Variants in HTR4 observed in about 807,000 individuals in gnomAD.
The protein encoded by HTR4 is 5-hydroxytryptamine receptor 4, also known as 5-hydroxytryptamine (serotonin) receptor 4, G protein-coupled.
In HTR4, 16 loss-of-function variants were observed where a neutral mutation model predicts 36.8. The observed-to-expected ratio is 0.43, with a 90% CI of 0.29 to 0.66. HTR4 has a LOEUF of 0.66. HTR4 is among the 30% of genes least tolerant of loss of function. The pLI is 0.13. For synonymous variants in HTR4, 189 were observed against 185.1 expected (o/e 1.02, Z -0.17); for missense variants, 438 against 490.9 (o/e 0.89, Z 1.02).
intron 2 of HTR4, among the ~76,000 whole-genome samples, chr5:148,560,160 ACGTTTTTTCTTT>A (rs1383359414): frequency 6.7e-6 from 1 of 149,680 alleles, no homozygotes; most frequent in African/African-American, 2.5e-5. Flanking sequence ...CTCCCAGTTA[ACGTTTTTTCTTT>A]TCTTTTTTCT....
Position 148,482,982 on chromosome 5 carries a change from G to GAAATA in HTR4, c.*216_*220dup. 7.1e-7 allele frequency: 1 copy of GAAATA among 1,412,954 alleles called. No individual in the cohort carries two copies. The highest frequency in any genetic ancestry group is 9.2e-7 in the Non-Finnish European group (1 of 1,081,990). 87.5% of individuals were successfully genotyped at this position (1,412,954 alleles called of 1,614,324 possible). A position where few individuals can be genotyped will look rare whatever the true frequency, so the allele number is the denominator to read the frequency against. ...AGAATCTGGGAAGAGGGAGTGTTGGGAAATAAAAAGTGAACAAGGAGGCCA... is the reference window on the plus strand; with the variant it reads ...AGAATCTGGGAAGAGGGAGTGTTGGGAAATAAAATAAAAAGTGAACAAGGAGGCCA... On this transcript the variant is annotated 3_prime_UTR_variant, in exon 7 of 7. Transcript: ENST00000377888.
intron 5 of HTR4, among the ~76,000 whole-genome samples, chr5:148,463,030 C>G (rs1157249518): frequency 6.6e-6 from 1 of 151,904 alleles, no homozygotes; most frequent in Non-Finnish European, 1.5e-5. Flanking sequence ...TATCGAAAAT[C>G]TACACAAAAC....
At chr5:148,491,187 C>G (rs111390930) in intron 6 of HTR4, among the ~76,000 whole-genome samples, 14 of 152,244 alleles carry the variant, frequency 9.2e-5, no homozygotes, top group African/African-American at 3.4e-4. Context: ...CAAGTACATG[C>G]TGTAAGAGAA....
chr5:148,468,622 G>A (rs1348479589), intron 5 of HTR4, among the ~76,000 whole-genome samples: 3 of 152,166 alleles, frequency 2.0e-5, no homozygotes, highest in Non-Finnish European at 4.4e-5. Flanking sequence ...TCCATCGTTG[G>A]AAGCAGATGT....
At chr5:148,551,204 C>T (rs1167923451) in intron 2 of HTR4, among the ~76,000 whole-genome samples, 1 of 152,166 alleles carries the variant, frequency 6.6e-6, no homozygotes, top group Non-Finnish European at 1.5e-5. Flanking sequence ...GTGTCCCATT[C>T]CAGCCCATGC....
intron 2 of HTR4, among the ~76,000 whole-genome samples, chr5:148,588,439 G>T (rs931118464): frequency 6.7e-6 from 1 of 150,092 alleles, no homozygotes; most frequent in African/African-American, 2.5e-5. Flanking sequence ...CCAGGGGGAA[G>T]AAAAAGCCTT....
chr5:148,634,072 C>G (rs754111983), intron 2 of HTR4, among the ~76,000 whole-genome samples: 1 of 152,128 alleles, frequency 6.6e-6, no homozygotes, highest in East Asian at 1.9e-4. Context: ...GCAGTATGGC[C>G]GGACAAAACA....
At chr5:148,546,181 C>T (rs972679182) in intron 4 of HTR4, among the ~76,000 whole-genome samples, 2 of 152,130 alleles carry the variant, frequency 1.3e-5, no homozygotes, top group Non-Finnish European at 2.9e-5. Flanking sequence ...TGAGAAAGAT[C>T]ATGAGTTGTA....
intron 5 of HTR4, among the ~76,000 whole-genome samples, chr5:148,467,782 C>T (rs997294563): frequency 6.6e-6 from 1 of 152,180 alleles, no homozygotes; most frequent in African/African-American, 2.4e-5. Flanking sequence ...CATGTAAAAC[C>T]ACACCAACTT....
intron 2 of HTR4, among the ~76,000 whole-genome samples, chr5:148,575,676 T>C (rs1013682739): frequency 1.3e-5 from 2 of 152,092 alleles, no homozygotes; most frequent in Non-Finnish European, 2.9e-5. Flanking sequence ...TATTCATTAA[T>C]AGAATAATCA....
chr5:148,511,528 A>G (rs1581404084), intron 5 of HTR4, among the ~76,000 whole-genome samples: 1 of 152,192 alleles, frequency 6.6e-6, no homozygotes, highest in East Asian at 1.9e-4. Flanking sequence ...ATAAACTACA[A>G]TATTACATAT....
chr5:148,480,984 C>T (rs1052859338), downstream of HTR4, among the ~76,000 whole-genome samples: 2 of 152,210 alleles, frequency 1.3e-5, no homozygotes, highest in Non-Finnish European at 2.9e-5. Context: ...TCTCTGAGGT[C>T]TGAGACATTC....
chr5:148,561,501 T>A (rs538255120), intron 2 of HTR4, among the ~76,000 whole-genome samples: 1 of 152,218 alleles, frequency 6.6e-6, no homozygotes, highest in Non-Finnish European at 1.5e-5. Context: ...GGTCTCTCTT[T>A]AAGAAAACCC....
intron 1 of HTR4, among the ~76,000 whole-genome samples, chr5:148,649,331 T>A (rs1753964792): frequency 6.6e-6 from 1 of 152,036 alleles, no homozygotes; most frequent in African/African-American, 2.4e-5. Context: ...GAATTTGAAA[T>A]TTGGTTTTAA....
chr5:148,495,343 T>C (rs1756637387), intron 6 of HTR4, among the ~76,000 whole-genome samples: 1 of 152,146 alleles, frequency 6.6e-6, no homozygotes, highest in African/African-American at 2.4e-5. Flanking sequence ...CTTTAGCAGA[T>C]TTTGTACAGG....
intron 2 of HTR4, among the ~76,000 whole-genome samples, chr5:148,602,644 G>T (rs1029090459): frequency 1.3e-5 from 2 of 151,988 alleles, no homozygotes; most frequent in South Asian, 2.1e-4. Context: ...AATAGAAAAG[G>T]CTAAGCAGAT....
Position 148,482,815 on chromosome 5 carries a change from A to T in HTR4, c.*388T>A. On this transcript the variant is annotated 3_prime_UTR_variant, in exon 7 of 7. Transcript: ENST00000377888. ...TTTGTTGATATCTGGAAGCCCACACAGCAAAGAAGGCGTATTTGGAGACAT... is the reference window on the plus strand; with the variant it reads ...TTTGTTGATATCTGGAAGCCCACACTGCAAAGAAGGCGTATTTGGAGACAT... 9.4e-7 allele frequency: 1 copy of T among 1,060,012 alleles called. No individual in the cohort carries two copies. 65.7% of individuals were successfully genotyped at this position (1,060,012 alleles called of 1,614,324 possible).
At position 148,566,471 on chromosome 5, in the gene HTR4, G is replaced by A. The variant is rs1760446170; in HGVS notation, c.27-16209C>T. ...AGCAACAGAGCCTCTTGCCTTCAAGGGATCTGTGGACGTGGTGGTGACCAG... is the reference window on the plus strand; with the variant it reads ...AGCAACAGAGCCTCTTGCCTTCAAGAGATCTGTGGACGTGGTGGTGACCAG... On this transcript the variant is annotated intron_variant, in intron 2 of 6. Transcript: ENST00000377888. Among the ~76,000 whole-genome samples the A allele has an allele frequency of 2.0e-5, 3 of 152,154 alleles. No homozygotes were observed. The South Asian group carries it at 6.2e-4, about 32-fold the overall frequency.
At chr5:148,535,105 G>A (rs1426294753) in intron 4 of HTR4, among the ~76,000 whole-genome samples, 2 of 152,136 alleles carry the variant, frequency 1.3e-5, no homozygotes, top group Non-Finnish European at 2.9e-5. Context: ...ACACCTCGAA[G>A]CTTAAGCATC....
Sources: allele counts gnomAD v4.1 joint callset (sites outside exome capture counted in the v4.1 genomes callset), GRCh38; gene constraint gnomAD v4.1.1; transcripts MANE v1.5; gene names NCBI Gene and HGNC (gene_info 2026-07-23, HGNC 2026-07-21).